MECOM: variants seen among roughly 807,000 people sequenced by gnomAD.
MECOM encodes histone-lysine N-methyltransferase MECOM.
MECOM carries 13 observed loss-of-function variants against 116.3 expected under a neutral mutation model. The ratio of observed to expected loss-of-function variants is 0.11; its 90% CI spans 0.07 to 0.18. The LOEUF (loss-of-function observed/expected upper bound fraction) is 0.18, where lower values mean the gene tolerates loss of function less well. Ranked by LOEUF, MECOM falls within the 10% of genes least tolerant of loss-of-function variation. The pLI is 1.00. For missense variants in MECOM, 1,299 were observed against 1,509.0 expected, an observed-to-expected ratio of 0.86 and a Z score of 2.31; for synonymous variants, 528 against 535.2, an observed-to-expected ratio of 0.99 and a Z score of 0.19.
At chr3:169,294,271 A>G (rs1715167864) in intron 2 of MECOM, among the ~76,000 whole-genome samples, 1 of 152,140 alleles carries the variant, frequency 6.6e-6, no homozygotes, top group Middle Eastern at 3.2e-3. Context: ...AGCTTGCATT[A>G]GGTTCCGTAT....
chr3:169,224,201 T>C (rs1752459273), intron 2 of MECOM, among the ~76,000 whole-genome samples: 1 of 152,132 alleles, frequency 6.6e-6, no homozygotes, highest in African/African-American at 2.4e-5. Flanking sequence ...CTGGGCCCAT[T>C]TCAAGCCTTC....
rs574766715 is a variant in MECOM at position 169,602,997 on chromosome 3, C to T, written c.37+60339G>A. Among the ~76,000 whole-genome samples, 49 of 152,262 alleles carry T rather than the reference C, an allele frequency of 3.2e-4. No homozygotes were observed. The South Asian group carries it at 1.0e-2, about 31-fold the overall frequency. On this transcript the variant is annotated intron_variant, in intron 1 of 16. Transcript: ENST00000651503. ...TGCACATAGACAAATACCACATACA[C>T]ACATATTTAACTTACAGGGAATATA...
intron 1 of MECOM, among the ~76,000 whole-genome samples, chr3:169,429,640 A>G (rs1199829616): frequency 1.3e-5 from 2 of 152,218 alleles, no homozygotes; most frequent in Admixed American, 6.5e-5. Context: ...ATACATGTCC[A>G]GTAGCTAGAT....
At chr3:169,161,878 A>C (rs772208298) in intron 2 of MECOM, among the ~76,000 whole-genome samples, 30 of 152,258 alleles carry the variant, frequency 2.0e-4, no homozygotes, top group Middle Eastern at 3.4e-3. Flanking sequence ...TGTGCCAGCT[A>C]TGTGAAAGAG....
chr3:169,259,287 T>C (rs923815820), intron 2 of MECOM, among the ~76,000 whole-genome samples: 1 of 152,154 alleles, frequency 6.6e-6, no homozygotes, highest in Non-Finnish European at 1.5e-5. Context: ...TTAAATCACT[T>C]CCTCCTACAT....
intron 1 of MECOM, among the ~76,000 whole-genome samples, chr3:169,637,042 C>G (rs1772873261): frequency 6.6e-6 from 1 of 152,136 alleles, no homozygotes; most frequent in Non-Finnish European, 1.5e-5. Context: ...TAGAATATAG[C>G]AGAAGCAACA....
intron 2 of MECOM, among the ~76,000 whole-genome samples, chr3:169,276,294 G>A (rs112505683): frequency 7.0e-4 from 106 of 152,270 alleles, no homozygotes; most frequent in African/African-American, 2.5e-3. Flanking sequence ...GCTCACGCCT[G>A]TAATCCCAGC....
At chr3:169,370,566 A>T (rs1729918833) in intron 2 of MECOM, among the ~76,000 whole-genome samples, 1 of 152,026 alleles carries the variant, frequency 6.6e-6, no homozygotes, top group African/African-American at 2.4e-5. Context: ...AGCAAAGGAA[A>T]CAATCAACAA....
chr3:169,489,605 A>G (rs1752835258), intron 1 of MECOM, among the ~76,000 whole-genome samples: 1 of 152,208 alleles, frequency 6.6e-6, no homozygotes, highest in Non-Finnish European at 1.5e-5. Context: ...GGAACTTGGT[A>G]TATGATGGAG....
At chr3:169,206,368 AG>A in intron 2 of MECOM, among the ~76,000 whole-genome samples, 2 of 152,254 alleles carry the variant, frequency 1.3e-5, no homozygotes, top group Admixed American at 1.3e-4. Flanking sequence ...TCATCCCAAA[AG>A]GTATAGTGTT....
At chr3:169,466,709 G>A (rs1350847946) in intron 1 of MECOM, among the ~76,000 whole-genome samples, 1 of 152,024 alleles carries the variant, frequency 6.6e-6, no homozygotes, top group Non-Finnish European at 1.5e-5. Flanking sequence ...ATTTGGGGAT[G>A]GGGAAAGTTA....
intron 2 of MECOM, among the ~76,000 whole-genome samples, chr3:169,225,243 A>C (rs1191027875): frequency 6.6e-6 from 1 of 152,212 alleles, no homozygotes; most frequent in African/African-American, 2.4e-5. Flanking sequence ...CCTAAATACA[A>C]GTGGAGAGCT....
Position 169,351,603 on chromosome 3 carries a change from A to AT in MECOM, c.375+29583dup, listed in dbSNP as rs1726356823. ...TATAATTACAAAGCTGATAACGGTC[A>AT]TTTTTCTTTTGTTAATAATATTCAA... On this transcript the variant is annotated intron_variant, in intron 2 of 16. Transcript: ENST00000651503. Among the ~76,000 whole-genome samples, 3 of 152,026 alleles carry AT rather than the reference A, an allele frequency of 2.0e-5. No individual in the cohort carries two copies. The South Asian group carries it at 6.2e-4, about 31-fold the overall frequency.
intron 1 of MECOM, among the ~76,000 whole-genome samples, chr3:169,609,380 A>C (rs1483971262): frequency 6.6e-6 from 1 of 152,214 alleles, no homozygotes; most frequent in Non-Finnish European, 1.5e-5. Context: ...AACAGCAAAA[A>C]GTTGCCCCAT....
At chr3:169,203,125 G>A (rs1349267249) in intron 2 of MECOM, among the ~76,000 whole-genome samples, 2 of 152,034 alleles carry the variant, frequency 1.3e-5, no homozygotes, top group Admixed American at 6.6e-5. Context: ...TATGAACTTC[G>A]TTGGCGCCAT....
At chr3:169,608,881 G>A (rs773916042) in intron 1 of MECOM, among the ~76,000 whole-genome samples, 1 of 152,138 alleles carries the variant, frequency 6.6e-6, no homozygotes, top group African/African-American at 2.4e-5. Flanking sequence ...TTATGTAAAT[G>A]AGTAATAGAT....
chr3:169,584,360 T>C (rs1371543033), intron 1 of MECOM, among the ~76,000 whole-genome samples: 4 of 151,288 alleles, frequency 2.6e-5, no homozygotes, highest in East Asian at 2.0e-4. Flanking sequence ...GGTCTGGAGA[T>C]AGAGACCATC....
At chr3:169,631,235 A>G (rs959156572) in intron 1 of MECOM, among the ~76,000 whole-genome samples, 2 of 152,178 alleles carry the variant, frequency 1.3e-5, no homozygotes, top group Non-Finnish European at 2.9e-5. Context: ...TCTGTGCATC[A>G]CCTGGGCAAT....
chr3:169,434,428 A>ATT (rs77853957), intron 1 of MECOM, among the ~76,000 whole-genome samples: 86,738 of 151,268 alleles, frequency 0.57, 25,288 homozygotes, highest in East Asian at 0.9. Flanking sequence ...AAAATGATGT[A>ATT]TAAAAAGTTT....
Sources: allele counts gnomAD v4.1 joint callset (sites outside exome capture counted in the v4.1 genomes callset), GRCh38; gene constraint gnomAD v4.1.1; transcripts MANE v1.5; gene names NCBI Gene and HGNC (gene_info 2026-07-23, HGNC 2026-07-21).